NYAP2: variants seen among roughly 807,000 people sequenced by gnomAD.
NYAP2 encodes the protein neuronal tyrosine-phosphorylated phosphoinositide-3-kinase adapter 2.
Under a neutral mutation model 50.4 loss-of-function variants are expected in NYAP2, and 23 were observed. The ratio of observed to expected loss-of-function variants is 0.46; its 90% CI spans 0.33 to 0.65. NYAP2 has a LOEUF of 0.65. NYAP2 is among the 30% of genes least tolerant of loss of function. The pLI, the probability that NYAP2 is intolerant of heterozygous loss-of-function variation, is 0.02. For missense variants in NYAP2, 885 were observed against 861.0 expected (o/e 1.03, Z -0.35); for synonymous variants, 394 against 365.2 (o/e 1.08, Z -0.90).
chr2:225,678,947 A>G, the NYAP2 span, among the ~76,000 whole-genome samples: 1 of 152,170 alleles, frequency 6.6e-6, no homozygotes, highest in Non-Finnish European at 1.5e-5. Context: ...TAAAGAATAG[A>G]GGATAATGGT....
rs1487982543 is a variant in NYAP2, at chr2:225,603,708, C to T, written c.1618+20673C>T. Reference sequence around the variant, plus strand: ...TCACAAAGACCTGAGCATCCTGGCACCCATTCCAGTGAACTGGTTCTGGTG... The same window carrying T: ...TCACAAAGACCTGAGCATCCTGGCATCCATTCCAGTGAACTGGTTCTGGTG... On this transcript the variant is annotated intron_variant, in intron 5 of 6. Transcript: ENST00000636099. Among the ~76,000 whole-genome samples the T allele has an allele frequency of 2.0e-5, 3 of 152,142 alleles. No individual in the cohort carries two copies. In the South Asian group the frequency reaches 6.2e-4, roughly 32 times the overall value.
intron 5 of NYAP2, among the ~76,000 whole-genome samples, chr2:225,603,441 T>A (rs1348184861): frequency 6.6e-6 from 1 of 152,120 alleles, no homozygotes; most frequent in Non-Finnish European, 1.5e-5. Context: ...GACAGACAGA[T>A]TCAGAACTGA....
intron 3 of NYAP2, among the ~76,000 whole-genome samples, chr2:225,507,457 A>T (rs930257143): frequency 6.6e-6 from 1 of 152,222 alleles, no homozygotes; most frequent in Admixed American, 6.5e-5. Context: ...GCATTGTCAG[A>T]GCAGTTTTGA....
intron 5 of NYAP2, among the ~76,000 whole-genome samples, chr2:225,610,317 A>G (rs1386254748): frequency 6.6e-6 from 1 of 152,060 alleles, no homozygotes; most frequent in Non-Finnish European, 1.5e-5. Context: ...TTGGGTGCTC[A>G]TGTGACCTTT....
chr2:225,531,369 C>T (rs1020815655), intron 4 of NYAP2, among the ~76,000 whole-genome samples: 2 of 152,210 alleles, frequency 1.3e-5, no homozygotes, highest in African/African-American at 4.8e-5. Context: ...ACTACCTTCT[C>T]TGTAATAACT....
At chr2:225,556,718 C>G (rs1390674306) in intron 4 of NYAP2, among the ~76,000 whole-genome samples, 2 of 147,600 alleles carry the variant, frequency 1.4e-5, no homozygotes, top group Non-Finnish European at 3.0e-5. Context: ...CTAGGAACAG[C>G]TCTACACTAT....
At chr2:225,619,145 A>T (rs1003256767) in intron 5 of NYAP2, among the ~76,000 whole-genome samples, 16 of 152,210 alleles carry the variant, frequency 1.1e-4, no homozygotes, top group Non-Finnish European at 2.4e-4. Flanking sequence ...GCATTATCTC[A>T]TTTAATCTTC....
the NYAP2 span, among the ~76,000 whole-genome samples, chr2:225,669,350 G>A: frequency 2.6e-5 from 4 of 152,070 alleles, no homozygotes; most frequent in East Asian, 5.8e-4. Flanking sequence ...TGCACATCAC[G>A]TCTCTACCTA....
At chr2:225,447,505 T>A (rs574560132) in intron 3 of NYAP2, among the ~76,000 whole-genome samples, 1 of 152,252 alleles carries the variant, frequency 6.6e-6, no homozygotes, top group South Asian at 2.1e-4. Context: ...AAATAAGTAA[T>A]TTGAATTACA....
intron 4 of NYAP2, among the ~76,000 whole-genome samples, chr2:225,539,534 C>T (rs1691420470): frequency 6.6e-6 from 1 of 152,160 alleles, no homozygotes; most frequent in South Asian, 2.1e-4. Context: ...TAATGATTGC[C>T]ATTCTAACTG....
chr2:225,518,346 G>A (rs904024486), intron 4 of NYAP2, among the ~76,000 whole-genome samples: 46 of 150,854 alleles, frequency 3.0e-4, no homozygotes, highest in Non-Finnish European at 4.7e-4. Context: ...ATCACCAGGG[G>A]CTAGGGCAGG....
chr2:225,577,187 A>G (rs1692183138), intron 4 of NYAP2, among the ~76,000 whole-genome samples: 1 of 152,238 alleles, frequency 6.6e-6, no homozygotes, highest in Non-Finnish European at 1.5e-5. Context: ...CTTTCTGCTT[A>G]TTAAATGCTA....
intron 5 of NYAP2, among the ~76,000 whole-genome samples, chr2:225,625,474 C>A (rs2106257070): frequency 6.6e-6 from 1 of 152,190 alleles, no homozygotes; most frequent in Non-Finnish European, 1.5e-5. Flanking sequence ...GCAGAGATGA[C>A]CATGACCCTG....
chr2:225,509,853 TCTC>T (rs1338457538), intron 3 of NYAP2, among the ~76,000 whole-genome samples: 2 of 152,160 alleles, frequency 1.3e-5, no homozygotes, highest in African/African-American at 4.8e-5. Context: ...AGGTATTTGA[TCTC>T]CTACCTGTAC....
At chr2:225,566,202 A>G (rs1574681657) in intron 4 of NYAP2, among the ~76,000 whole-genome samples, 1 of 152,340 alleles carries the variant, frequency 6.6e-6, no homozygotes, top group East Asian at 1.9e-4. Flanking sequence ...ATGCATTATT[A>G]TCATTATTAC....
At chr2:225,659,635 A>T in the NYAP2 span, among the ~76,000 whole-genome samples, 1 of 152,120 alleles carries the variant, frequency 6.6e-6, no homozygotes, top group East Asian at 1.9e-4. Context: ...ATAGACAAAA[A>T]CCTGAGATAG....
chr2:225,488,518 C>T (rs1690343481), intron 3 of NYAP2, among the ~76,000 whole-genome samples: 1 of 152,130 alleles, frequency 6.6e-6, no homozygotes, highest in Non-Finnish European at 1.5e-5. Flanking sequence ...AGATTACAGG[C>T]ACATACCACC....
At chr2:225,561,758 A>T (rs1458050242) in intron 4 of NYAP2, among the ~76,000 whole-genome samples, 1 of 152,168 alleles carries the variant, frequency 6.6e-6, no homozygotes, top group East Asian at 1.9e-4. Flanking sequence ...GTTTTTAATA[A>T]AATGATTCTT....
At chr2:225,504,681 C>T (rs1398800939) in intron 3 of NYAP2, among the ~76,000 whole-genome samples, 2 of 152,040 alleles carry the variant, frequency 1.3e-5, no homozygotes, top group African/African-American at 4.8e-5. Flanking sequence ...GTGAAATCTC[C>T]TACCAAGGAG....
Sources: allele counts gnomAD v4.1 joint callset (sites outside exome capture counted in the v4.1 genomes callset), GRCh38; gene constraint gnomAD v4.1.1; transcripts MANE v1.5; gene names NCBI Gene and HGNC (gene_info 2026-07-23, HGNC 2026-07-21).